The following ROBO2 variants were observed in gnomAD, a reference collection of about 807,000 sequenced individuals.
The protein encoded by ROBO2 is roundabout homolog 2.
A neutral mutation model predicts 160.8 loss-of-function variants in ROBO2; 53 were observed. The observed-to-expected ratio is 0.33, with a 90% CI of 0.26 to 0.41. The LOEUF (loss-of-function observed/expected upper bound fraction) is 0.41, where lower values mean the gene tolerates loss of function less well. Among genes scored for constraint, ROBO2 ranks in the 10% least tolerant of loss-of-function variants. ROBO2 has a pLI of 1.00. For missense variants in ROBO2, 1,577 were observed against 1,722.4 expected (o/e 0.92, Z 1.49); for synonymous variants, 664 against 611.7 (o/e 1.09, Z -1.26).
chr3:76,085,353 A>G (rs1347486574), intron 2 of ROBO2, among the ~76,000 whole-genome samples: 1 of 152,154 alleles, frequency 6.6e-6, no homozygotes, highest in East Asian at 1.9e-4. Flanking sequence ...CTGATTTACA[A>G]AAGCTAATTT....
chr3:76,324,723 T>G (rs2107934698), intron 2 of ROBO2, among the ~76,000 whole-genome samples: 1 of 152,304 alleles, frequency 6.6e-6, no homozygotes, highest in Non-Finnish European at 1.5e-5. Context: ...ATTCTGGAAT[T>G]AAATATCAAA....
chr3:76,928,222 G>T (rs1329679314), intron 2 of ROBO2, among the ~76,000 whole-genome samples: 1 of 152,130 alleles, frequency 6.6e-6, no homozygotes, highest in African/African-American at 2.4e-5. Context: ...AGAGAGCCAT[G>T]AGCCACAAAA....
At chr3:77,340,820 AGTAATGG>A (rs1271247899) in intron 2 of ROBO2, among the ~76,000 whole-genome samples, 1 of 152,152 alleles carries the variant, frequency 6.6e-6, no homozygotes, top group Middle Eastern at 3.2e-3. Context: ...TATGGCAGCC[AGTAATGG>A]CTTGATACAG....
At chr3:77,590,014 G>T (rs200360775) in intron 17 of ROBO2, among the ~76,000 whole-genome samples, 1 of 152,202 alleles carries the variant, frequency 6.6e-6, no homozygotes, top group African/African-American at 2.4e-5. Context: ...GCTGTGGCTT[G>T]TAGGCTCCTA....
intron 2 of ROBO2, among the ~76,000 whole-genome samples, chr3:76,841,741 C>G (rs2068289477): frequency 1.3e-5 from 2 of 152,176 alleles, no homozygotes; most frequent in Non-Finnish European, 2.9e-5. Context: ...TTAGCCGCTT[C>G]TAAATCCTCA....
At chr3:76,214,883 C>T (rs1703400268) in intron 2 of ROBO2, among the ~76,000 whole-genome samples, 1 of 152,190 alleles carries the variant, frequency 6.6e-6, no homozygotes, top group African/African-American at 2.4e-5. Flanking sequence ...GTCCCTGACT[C>T]CCGAGTAGCC....
chr3:77,063,677 C>T (rs1457137208), intron 1 of ROBO2, among the ~76,000 whole-genome samples: 1 of 152,190 alleles, frequency 6.6e-6, no homozygotes, highest in East Asian at 1.9e-4. Context: ...TGTTTGTAGT[C>T]TGTAGCAAAG....
At chr3:77,620,254 A>G (rs2153704719) in intron 22 of ROBO2, among the ~76,000 whole-genome samples, 1 of 152,306 alleles carries the variant, frequency 6.6e-6, no homozygotes, top group Middle Eastern at 3.4e-3. Flanking sequence ...CTGTTTAACA[A>G]ATAATAATTC....
intron 2 of ROBO2, among the ~76,000 whole-genome samples, chr3:77,128,903 G>A (rs962063789): frequency 1.3e-5 from 2 of 152,058 alleles, no homozygotes; most frequent in Non-Finnish European, 2.9e-5. Flanking sequence ...TGAAAATTCA[G>A]GCTTACTCAT....
At chr3:76,376,371 A>G (rs554316808) in intron 2 of ROBO2, among the ~76,000 whole-genome samples, 1 of 152,242 alleles carries the variant, frequency 6.6e-6, no homozygotes, top group African/African-American at 2.4e-5. Flanking sequence ...AATATAGAGA[A>G]CCACACAGTC....
chr3:77,335,480 T>C lies in ROBO2; in HGVS notation c.389-141934T>C, dbSNP rs548203526. Among the ~76,000 whole-genome samples the C allele has an allele frequency of 9.8e-5, 15 of 152,318 alleles. No individual in the cohort carries two copies. In the South Asian group the frequency reaches 2.9e-3, roughly 29 times the overall value. On this transcript the variant is annotated intron_variant, in intron 2 of 25. Transcript: ENST00000461745. ...TCATCTATAGCCATAGCTGTACCTA[T>C]GTTCTTTAACTTAATTATACAACAA...
intron 2 of ROBO2, among the ~76,000 whole-genome samples, chr3:76,677,668 A>G (rs17014529): frequency 0.13 from 19,359 of 152,048 alleles, 1,821 homozygotes; most frequent in African/African-American, 0.26. Context: ...AGGGGTCACA[A>G]TATTTTGCCT....
At chr3:75,971,338 A>T (rs2064986891) in intron 2 of ROBO2, among the ~76,000 whole-genome samples, 2 of 151,648 alleles carry the variant, frequency 1.3e-5, no homozygotes, top group Middle Eastern at 3.4e-3. Context: ...AAACCTGAAC[A>T]TGTTTCTTTT....
chr3:76,528,894 G>A (rs975393539), intron 2 of ROBO2, among the ~76,000 whole-genome samples: 14 of 151,932 alleles, frequency 9.2e-5, no homozygotes, highest in Non-Finnish European at 1.8e-4. Context: ...TCCTTGAAGC[G>A]AAACGAAAAA....
At chr3:76,480,464 G>T (rs1577499676) in intron 2 of ROBO2, among the ~76,000 whole-genome samples, 2 of 152,202 alleles carry the variant, frequency 1.3e-5, no homozygotes, top group East Asian at 3.9e-4. Context: ...TCATGGAAGA[G>T]GTTATCTTAG....
chr3:76,292,253 T>G (rs979530398), intron 2 of ROBO2, among the ~76,000 whole-genome samples: 15 of 152,170 alleles, frequency 9.9e-5, no homozygotes, highest in African/African-American at 3.1e-4. Context: ...GTGCTAAATT[T>G]AAAAAGACAA....
intron 1 of ROBO2, among the ~76,000 whole-genome samples, chr3:77,053,328 T>G (rs2065404118): frequency 6.6e-6 from 1 of 152,216 alleles, no homozygotes; most frequent in African/African-American, 2.4e-5. Context: ...ATTCTTCATT[T>G]TACATTTTAA....
chr3:76,764,765 C>T (rs143118843), intron 2 of ROBO2, among the ~76,000 whole-genome samples: 97 of 151,764 alleles, frequency 6.4e-4, no homozygotes, highest in African/African-American at 2.2e-3. Context: ...AGCCACCTCT[C>T]TAATCTCCTA....
intron 2 of ROBO2, among the ~76,000 whole-genome samples, chr3:76,825,959 A>T (rs772904879): frequency 2.0e-5 from 3 of 151,712 alleles, no homozygotes; most frequent in Non-Finnish European, 4.4e-5. Flanking sequence ...GCAACTCAAC[A>T]CATCCTAGGG....
Sources: allele counts gnomAD v4.1 joint callset (sites outside exome capture counted in the v4.1 genomes callset), GRCh38; gene constraint gnomAD v4.1.1; transcripts MANE v1.5; gene names NCBI Gene and HGNC (gene_info 2026-07-23, HGNC 2026-07-21).